ZNF189: variants seen among roughly 807,000 people sequenced by gnomAD.
ZNF189 encodes zinc finger protein 189.
ZNF189 carries 33 observed loss-of-function variants against 53.5 expected under a neutral mutation model. The observed-to-expected ratio is 0.62, with a 90% CI of 0.47 to 0.82. The LOEUF is 0.82. Among genes scored for constraint, ZNF189 ranks in the 40% least tolerant of loss-of-function variants. ZNF189 has a pLI of 0.00. For missense variants in ZNF189, 711 were observed against 753.9 expected, an observed-to-expected ratio of 0.94 and a Z score of 0.67; for synonymous variants, 247 against 238.8, an observed-to-expected ratio of 1.03 and a Z score of -0.32.
chr9:101,403,078 C>T (rs17185855), intron 2 of ZNF189, among the ~76,000 whole-genome samples: 15,705 of 149,182 alleles, frequency 0.11, 829 homozygotes, highest in Middle Eastern at 0.16. Flanking sequence ...CTTTAGTCTT[C>T]AGCCATATCA....
intron 2 of ZNF189, among the ~76,000 whole-genome samples, 177 bp from the exon 3 acceptor site, chr9:101,407,752 T>C (rs1167026877): frequency 6.6e-6 from 1 of 152,194 alleles, no homozygotes; most frequent in South Asian, 2.1e-4. Context: ...AATAATGCTT[T>C]CTCATCCTTA....
At chr9:101,400,403 T>C (rs1156269858) in intron 2 of ZNF189, among the ~76,000 whole-genome samples, 1 of 152,164 alleles carries the variant, frequency 6.6e-6, no homozygotes, top group African/African-American at 2.4e-5. Flanking sequence ...GTTTTTCAAG[T>C]GGGGGCTGCT....
Position 101,399,995 on chromosome 9 carries a change from A to C in ZNF189, c.145A>C (p.Asn49His). ...YKDVMMENYG[N>H]LVSLDVLNRD... ...AGATGTCATGATGGAGAATTATGGA[A>C]ACCTGGTCTCACTGGGTAAGAATCT... Residue 49 changes from asparagine (N) to histidine (H), a missense_variant, in exon 2 of 3, where the codon AAC (asparagine) becomes CAC (histidine). By Grantham distance (68) the Asn-to-His change is moderately conservative. Transcript: ENST00000339664. 1 of 1,614,120 alleles carries C rather than the reference A, an allele frequency of 6.2e-7. No individual in the cohort carries two copies. Among genetic ancestry groups the C allele is most frequent in the Non-Finnish European group, 8.5e-7 (1 of 1,179,994 alleles).
rs1257348244 is a variant in ZNF189, at chr9:101,409,409, G to A, written c.1641G>A (p.Lys547=). 6.2e-7 allele frequency: 1 copy of A among 1,613,984 alleles called. No individual in the cohort carries two copies. The highest frequency in any genetic ancestry group is 8.5e-7 in the Non-Finnish European group (1 of 1,179,980). Residue 547 remains lysine, a synonymous_variant, in exon 3 of 3, where the codon AAG becomes AAA. Coordinates refer to ENST00000339664, the MANE Select transcript of ZNF189 (RefSeq NM_003452.4). ...NKPHKCDECG[K]AFSRNSGLIQ... is the part of the protein sequence containing the mutation. The stretch of plus-strand genomic sequence containing the variant: ...CCCATAAATGTGATGAATGTGGAAA[G>A]GCCTTTAGCCGGAACTCGGGTCTTA...
chr9:101,403,809 G>A (rs1026447703), intron 2 of ZNF189, among the ~76,000 whole-genome samples: 2 of 152,214 alleles, frequency 1.3e-5, no homozygotes, highest in East Asian at 1.9e-4. Flanking sequence ...CAAAGGCCCC[G>A]CCTCCAAATA....
intron 2 of ZNF189, among the ~76,000 whole-genome samples, chr9:101,401,344 A>T (rs192059286): frequency 6.6e-6 from 1 of 152,328 alleles, no homozygotes; most frequent in East Asian, 1.9e-4. Context: ...AATAAAGGCC[A>T]ATAAGCATGA....
At chr9:101,406,887 T>C (rs1261001416) in intron 2 of ZNF189, among the ~76,000 whole-genome samples, 1 of 152,210 alleles carries the variant, frequency 6.6e-6, no homozygotes, top group East Asian at 1.9e-4. Flanking sequence ...AAGATTTTCA[T>C]TTCTCAGATG....
At position 101,408,887 on chromosome 9, in the gene ZNF189, G is replaced by A. The variant is rs111980890; in HGVS notation, c.1119G>A (p.Gln373=). The change falls in exon 3 of 3, where the codon CAG becomes CAA. Residue 373 remains glutamine, a synonymous_variant. Coordinates refer to ENST00000339664, the MANE Select transcript of ZNF189 (RefSeq NM_003452.4). The part of the protein sequence containing the change: ...QRIHTGERPY[Q]CKECGKSFSQ... Reference sequence around the variant, plus strand: ...TCCATACTGGTGAAAGACCTTATCAGTGCAAAGAGTGTGGGAAAAGTTTCA... The same window carrying A: ...TCCATACTGGTGAAAGACCTTATCAATGCAAAGAGTGTGGGAAAAGTTTCA... 5 of 1,614,080 alleles carry A rather than the reference G, an allele frequency of 3.1e-6. No individual in the cohort carries two copies. Among genetic ancestry groups the A allele is most frequent in the Middle Eastern group, 1.6e-4 (1 of 6,062 alleles).
Position 101,409,284 on chromosome 9 carries a change from C to T in ZNF189, c.1516C>T (p.His506Tyr). The change falls in exon 3 of 3, where the codon CAC (histidine) becomes TAC (tyrosine). Residue 506 changes from histidine (H) to tyrosine (Y), a missense_variant. By Grantham distance (83) the His-to-Tyr change is moderately conservative (BLOSUM62 2). Coordinates refer to ENST00000339664, the MANE Select transcript of ZNF189 (RefSeq NM_003452.4). ...SSFLIEHQRI[H>Y]TGERPYLCRQ... is the part of the protein sequence containing the mutation. Reference sequence around the variant, plus strand: ...ATTTCTTATTGAACATCAGAGAATCCACACTGGTGAGAGACCCTATCTGTG... The same window carrying T: ...ATTTCTTATTGAACATCAGAGAATCTACACTGGTGAGAGACCCTATCTGTG... 1 of 1,614,148 alleles carries T rather than the reference C, an allele frequency of 6.2e-7. No homozygotes were observed. Among genetic ancestry groups the T allele is most frequent in the Non-Finnish European group, 8.5e-7 (1 of 1,180,022 alleles).
chr9:101,407,567 A>AT lies in ZNF189; in HGVS notation c.161-352dup, dbSNP rs952899401. On this transcript the variant is annotated intron_variant, in intron 2 of 2. Coordinates refer to ENST00000339664, the MANE Select transcript of ZNF189 (RefSeq NM_003452.4). ...ACCATGTCTGGCTAATTAAAAAAAA[A>AT]TTTTTTTTTTGTAGAGATGAAGTCT... 2.8e-3 allele frequency: 1,012 copies of AT among 364,534 alleles called. 1 individual carries two copies. The highest frequency in any genetic ancestry group is 4.4e-3 in the Middle Eastern group (6 of 1,378). The allele number at this position is 364,534 out of a possible 1,614,324, so 22.6% of individuals were successfully genotyped here. A position where few individuals can be genotyped will look rare whatever the true frequency, so the allele number is the denominator to read the frequency against.
At chr9:101,407,206 C>T (rs1196688563) in intron 2 of ZNF189, among the ~76,000 whole-genome samples, 1 of 152,014 alleles carries the variant, frequency 6.6e-6, no homozygotes, top group Non-Finnish European at 1.5e-5. Context: ...TTTCTTTCCC[C>T]ATTTTTTACT....
intron 1 of ZNF189, chr9:101,399,460 T>C: frequency 7.6e-7 from 1 of 1,319,538 alleles, no homozygotes; most frequent in Non-Finnish European, 9.6e-7. Flanking sequence ...ATTTGTGAGT[T>C]CTCCAGGTGA....
At chr9:101,406,007 GTGAGCCAAGATCACT>G (rs1020944435) in intron 2 of ZNF189, among the ~76,000 whole-genome samples, 3 of 150,440 alleles carry the variant, frequency 2.0e-5, no homozygotes, top group African/African-American at 7.4e-5. Context: ...GGAGGTTGTA[GTGAGCCAAGATCACT>G]CCAGCCTGGG....
In ZNF189 at chr9:101,399,950, G is replaced by A. The variant is rs1830473885; in HGVS notation, c.100G>A (p.Ala34Thr). Residue 34 changes from alanine to threonine, a missense_variant, in exon 2 of 3, where the codon GCT becomes ACT. Ala to Thr is a moderately conservative substitution (Grantham distance 58). Coordinates refer to ENST00000339664, the MANE Select transcript of ZNF189 (RefSeq NM_003452.4). Reference sequence around the variant, plus strand: ...GGAGGAGTGGGATTATCTGGACCCAGCTCAGAGAAGCCTGTATAAAGATGT... The same window carrying A: ...GGAGGAGTGGGATTATCTGGACCCAACTCAGAGAAGCCTGTATAAAGATGT... ...TQEEWDYLDPAQRSLYKDVMM... is the reference protein window; with the variant it reads ...TQEEWDYLDPTQRSLYKDVMM... 4 of 1,614,050 alleles carry A rather than the reference G, an allele frequency of 2.5e-6. No individual in the cohort carries two copies. Among genetic ancestry groups the A allele is most frequent in the African/African-American group, 1.3e-5 (1 of 74,924 alleles).
chr9:101,403,771 A>C lies in ZNF189; in HGVS notation c.160+3761A>C, dbSNP rs186923484. On this transcript the variant is annotated intron_variant, in intron 2 of 2. Coordinates refer to ENST00000339664, the MANE Select transcript of ZNF189 (RefSeq NM_003452.4). The stretch of plus-strand genomic sequence containing the variant: ...ATCCCATCATGGGGGCCCAACCTTC[A>C]TGACCTCATCTAAATTTAATTACTT... Among the ~76,000 whole-genome samples the C allele has an allele frequency of 4.4e-4, 67 of 152,308 alleles. 1 individual carries two copies. In the East Asian group the frequency reaches 0.012, roughly 28 times the overall value.
intron 2 of ZNF189, 137 bp downstream of exon 2, chr9:101,400,147 G>A (rs1830480496): frequency 8.3e-7 from 1 of 1,207,630 alleles, no homozygotes; most frequent in African/African-American, 1.5e-5. Context: ...GCCATTAATT[G>A]TTTCCATAAC....
chr9:101,399,300 G>T, intron 1 of ZNF189, 111 bp downstream of exon 1: 1 of 1,433,544 alleles, frequency 7.0e-7, no homozygotes. Context: ...GCCTCTTTAG[G>T]GCCAGCGCCT....
intron 2 of ZNF189, among the ~76,000 whole-genome samples, chr9:101,400,621 C>G (rs560008900): frequency 1.1e-4 from 17 of 152,202 alleles, no homozygotes; most frequent in Non-Finnish European, 2.2e-4. Context: ...GTCCTTCACA[C>G]ATAACTTTGT....
Position 101,398,997 on chromosome 9 carries a change from T to C in ZNF189, c.-160T>C. On this transcript the variant is annotated 5_prime_UTR_variant, in exon 1 of 3. Coordinates refer to ENST00000339664, the MANE Select transcript of ZNF189 (RefSeq NM_003452.4). The stretch of plus-strand genomic sequence containing the variant: ...CCAGGGATCGCGTCTGATATGCTGT[T>C]GGGGTCGTGACCGTCTGGGGGCCGA... The C allele has an allele frequency of 1.4e-6, 1 of 717,500 alleles. No homozygotes were observed. Among genetic ancestry groups the C allele is most frequent in the Non-Finnish European group, 2.6e-6 (1 of 387,174 alleles). The allele number at this position is 717,500 out of a possible 1,614,324, so 44.4% of individuals were successfully genotyped here. A position where few individuals can be genotyped will look rare whatever the true frequency, so the allele number is the denominator to read the frequency against.
Sources: allele counts gnomAD v4.1 joint callset (sites outside exome capture counted in the v4.1 genomes callset), GRCh38; gene constraint gnomAD v4.1.1; transcripts MANE v1.5; gene names NCBI Gene and HGNC (gene_info 2026-07-23, HGNC 2026-07-21).